Variants in ANK3 observed in about 807,000 individuals in gnomAD.
The protein encoded by ANK3 is ankyrin 3.
In ANK3, 57 loss-of-function variants were observed where a neutral mutation model predicts 370.9. That is an observed-to-expected ratio of 0.15 (90% CI 0.12 to 0.19). The LOEUF (loss-of-function observed/expected upper bound fraction) is 0.19. Among genes scored for constraint, ANK3 ranks in the 10% least tolerant of loss-of-function variants. The probability of loss-of-function intolerance (pLI) is 1.00; values close to 1 mark genes in which losing one functional copy is unlikely to be tolerated. For synonymous variants in ANK3, 1,929 were observed against 1,946.3 expected, an observed-to-expected ratio of 0.99 and a Z score of 0.23; for missense variants, 4,439 against 5,302.1, an observed-to-expected ratio of 0.84 and a Z score of 5.06.
chr10:60,222,809 G>C (rs572663398), intron 8 of ANK3, among the ~76,000 whole-genome samples: 2 of 152,234 alleles, frequency 1.3e-5, no homozygotes, highest in African/African-American at 2.4e-5. Context: ...TCATGTACCT[G>C]AGAGTTCCTT....
chr10:60,137,737 A>G (rs1470949012), intron 24 of ANK3, among the ~76,000 whole-genome samples: 1 of 152,152 alleles, frequency 6.6e-6, no homozygotes, highest in Non-Finnish European at 1.5e-5. Context: ...CAGCTACTAC[A>G]GTTTTCTACA....
In ANK3 at chr10:60,072,800, C is replaced by A. The variant is rs760905994; in HGVS notation, c.8081G>T (p.Ser2694Ile). The A allele has an allele frequency of 7.4e-6, 12 of 1,614,006 alleles. No individual in the cohort carries two copies. The African/African-American group carries it at 1.6e-4, about 22-fold the overall frequency. ...ATCTGGTGCTTTGCTCTGTGAAATA[C>A]TTCCTTTGGCTTCCACTGTGGACTT... The part of the protein sequence containing the change: ...DSKSTVEAKG[S>I]ISQSKAPDGP... The change falls in exon 37 of 44, where the codon AGT becomes ATT. Residue 2694 changes from serine to isoleucine, a missense_variant. Physicochemically the swap from Ser to Ile is moderately radical, Grantham distance 142. Transcript: ENST00000280772.
Position 60,724,276 on chromosome 10 carries a change from G to T in ANK3, c.57+8987C>A, listed in dbSNP as rs1222337822. 2.0e-5 allele frequency among the ~76,000 whole-genome samples: 3 copies of T among 148,902 alleles called. No homozygotes were observed. The East Asian group carries it at 5.9e-4, about 29-fold the overall frequency. ...GCGCCCCCAGAAGGAACATAGCCCT[G>T]CTGATCTACGGTGGACTTTTGGCCT... On this transcript the variant is annotated intron_variant, in intron 1 of 43. Coordinates refer to the ANK3 transcript ENST00000373827.
intron 1 of ANK3, among the ~76,000 whole-genome samples, chr10:60,623,074 T>C (rs1427680502): frequency 2.0e-5 from 3 of 152,238 alleles, no homozygotes; most frequent in Non-Finnish European, 1.5e-5. Flanking sequence ...AAGGAGTCTG[T>C]ACTTGTGACA....
chr10:60,213,077 G>A (rs997278453), intron 9 of ANK3, among the ~76,000 whole-genome samples: 14 of 152,078 alleles, frequency 9.2e-5, no homozygotes, highest in Admixed American at 1.3e-4. Context: ...AAGATAGCCG[G>A]CACCCAAACG....
At chr10:60,541,545 C>T (rs1046625822) in intron 2 of ANK3, among the ~76,000 whole-genome samples, 2 of 151,914 alleles carry the variant, frequency 1.3e-5, no homozygotes, top group Admixed American at 6.6e-5. Flanking sequence ...TAGAAGCCAA[C>T]AGTTTTGGAA....
intron 8 of ANK3, among the ~76,000 whole-genome samples, chr10:60,218,231 A>G (rs1309485815): frequency 6.7e-6 from 1 of 148,328 alleles, no homozygotes; most frequent in Admixed American, 6.9e-5. Context: ...TTGACTCTTT[A>G]CCCAATTTGC....
At chr10:60,235,280 C>T (rs1262414219) in intron 7 of ANK3, among the ~76,000 whole-genome samples, 1 of 152,196 alleles carries the variant, frequency 6.6e-6, no homozygotes, top group Non-Finnish European at 1.5e-5. Context: ...TACTTCTATA[C>T]ATAGTCACAT....
intron 1 of ANK3, among the ~76,000 whole-genome samples, chr10:60,375,017 AAAG>A (rs1404047244): frequency 2.0e-5 from 3 of 152,192 alleles, no homozygotes; most frequent in African/African-American, 4.8e-5. Context: ...AGAAGGGAGG[AAAG>A]AAGAAGTGAC....
At position 60,070,433 on chromosome 10, in the gene ANK3, T is replaced by C. The variant is rs2082474734; in HGVS notation, c.10448A>G (p.Lys3483Arg). Residue 3483 changes from lysine (K) to arginine (R), a missense_variant, in exon 37 of 44, where the codon AAA becomes AGA. By Grantham distance (26) the Lys-to-Arg change is conservative. Around this residue, in one of 13 missense-constraint regions of ANK3, gnomAD observed 1,601 missense variants for 1,731.7 expected, o/e 0.92. Transcript: ENST00000280772. This position sits in a 1 kb window ranked among gnomAD's most constrained non-coding sequence, Gnocchi z 5.7. ...AGGAGTCTTTTCAGATGAAGAACTT[T>C]TAGAAGGTGGCTTGTCCTCATCTGG... is the stretch of plus-strand genomic sequence containing the variant. ...VGPDEDKPPS[K>R]SSSSEKTPDK... The C allele has an allele frequency of 6.2e-7, 1 of 1,613,992 alleles. No homozygotes were observed. Among genetic ancestry groups the C allele is most frequent in the Non-Finnish European group, 8.5e-7 (1 of 1,180,018 alleles).
At chr10:60,296,164 C>A (rs1267806814) in intron 1 of ANK3, among the ~76,000 whole-genome samples, 1 of 152,198 alleles carries the variant, frequency 6.6e-6, no homozygotes, top group Non-Finnish European at 1.5e-5. Context: ...TTTCTGCTAC[C>A]TTGCTTTAGT....
intron 2 of ANK3, among the ~76,000 whole-genome samples, chr10:60,537,813 A>T (rs909344936): frequency 1.3e-5 from 2 of 151,852 alleles, no homozygotes; most frequent in Admixed American, 6.6e-5. Flanking sequence ...GCTATAACTT[A>T]AAAAAAATCT....
intron 2 of ANK3, among the ~76,000 whole-genome samples, chr10:60,538,617 G>A (rs796428264): frequency 1.8e-4 from 28 of 151,866 alleles, no homozygotes; most frequent in African/African-American, 1.7e-4. Context: ...AAATCCACTC[G>A]ACACTAGGCC....
intron 2 of ANK3, among the ~76,000 whole-genome samples, chr10:60,457,696 G>C (rs1013197587): frequency 2.0e-5 from 3 of 152,072 alleles, no homozygotes; most frequent in East Asian, 3.9e-4. Context: ...AAAAGAGTTA[G>C]AGTTAGGGCC....
chr10:60,104,340 AGAGT>A (rs1215963988), intron 28 of ANK3, among the ~76,000 whole-genome samples: 2 of 119,072 alleles, frequency 1.7e-5, no homozygotes, highest in Non-Finnish European at 3.3e-5. Context: ...CCTGGGTGAC[AGAGT>A]GAGACTCCAT....
chr10:60,340,325 C>T (rs1422654630), intron 1 of ANK3, among the ~76,000 whole-genome samples: 2 of 152,206 alleles, frequency 1.3e-5, no homozygotes, highest in Non-Finnish European at 2.9e-5. Context: ...CTTTGAACTA[C>T]TGGAGTCAGG....
intron 2 of ANK3, among the ~76,000 whole-genome samples, chr10:60,504,883 G>A (rs1298986280): frequency 6.6e-6 from 1 of 152,120 alleles, no homozygotes; most frequent in Non-Finnish European, 1.5e-5. Context: ...GACTTGAATT[G>A]AGATTCAAAC....
chr10:60,373,616 C>T (rs116420960), intron 1 of ANK3, among the ~76,000 whole-genome samples: 180 of 152,202 alleles, frequency 1.2e-3, no homozygotes, highest in African/African-American at 4.1e-3. Flanking sequence ...GGGAAATGGA[C>T]TCCTAGAGGA....
intron 2 of ANK3, among the ~76,000 whole-genome samples, chr10:60,566,672 A>C (rs1653043708): frequency 6.6e-6 from 1 of 152,168 alleles, no homozygotes; most frequent in African/African-American, 2.4e-5. Flanking sequence ...CAGTAATTAA[A>C]GACCCGTGTG....
Sources: gnomAD v4.1 joint callset for allele counts (sites outside exome capture counted in the v4.1 genomes callset) on GRCh38, gnomAD v4.1.1 for gene constraint, gnomAD v4.1.1 regional missense constraint, Gnocchi (gnomAD v3.1) non-coding constraint, MANE v1.5 for transcripts, NCBI Gene and HGNC (gene_info 2026-07-23, HGNC 2026-07-21) for gene names.